S100A13: variants seen among roughly 807,000 people sequenced by gnomAD.
S100A13 encodes the protein S100 calcium binding protein A13.
In S100A13, 6 loss-of-function variants were observed where a neutral mutation model predicts 8.2. That is an observed-to-expected ratio of 0.73 (90% confidence interval 0.40 to 1.44). The LOEUF (loss-of-function observed/expected upper bound fraction) is 1.44, where lower values mean the gene tolerates loss of function less well. Ranked by LOEUF, S100A13 falls within the 40% of genes most tolerant of loss-of-function variation. The probability of loss-of-function intolerance (pLI) is 0.02; values close to 1 mark genes in which losing one functional copy is unlikely to be tolerated. For missense variants in S100A13, 114 were observed against 113.6 expected (o/e 1.00, Z -0.02); for synonymous variants, 39 against 45.9 (o/e 0.85, Z 0.61).
upstream of S100A13, among the ~76,000 whole-genome samples, chr1:153,633,558 G>C (rs146493962): frequency 2.6e-5 from 4 of 152,206 alleles, no homozygotes; most frequent in African/African-American, 9.6e-5. Flanking sequence ...CGGTGGTGTT[G>C]GCCGGTGCAG....
At chr1:153,629,865 A>C (rs1183349410), upstream of S100A13, 3 of 152,476 alleles carry the variant, frequency 2.0e-5, no homozygotes, top group Admixed American at 2.0e-4. Flanking sequence ...CCAAAATGAC[A>C]TGTTCAGGAG....
chr1:153,623,366 A>G (rs907951275), intron 2 of S100A13, among the ~76,000 whole-genome samples: 1 of 149,700 alleles, frequency 6.7e-6, no homozygotes, highest in African/African-American at 2.5e-5. Context: ...AAGTTTCCTG[A>G]TTGCTCCTAT....
At chr1:153,631,587 T>A (rs1447861022), upstream of S100A13, 1 of 1,613,744 alleles carries the variant, frequency 6.2e-7, no homozygotes, top group African/African-American at 1.3e-5. Flanking sequence ...CATAATTCAA[T>A]GCAGTTCCTC....
upstream of S100A13, chr1:153,631,375 G>T: frequency 1.6e-6 from 2 of 1,278,144 alleles, no homozygotes; most frequent in South Asian, 1.4e-5. Flanking sequence ...CTCTAGAATG[G>T]AAATAATGAA....
At chr1:153,628,856 G>A (rs138119883), upstream of S100A13, 86 of 271,764 alleles carry the variant, frequency 3.2e-4, no homozygotes, top group East Asian at 3.5e-3. Flanking sequence ...CCCCTGCCTC[G>A]CCTCCTGTGG....
At chr1:153,632,702 ATTAC>A (rs1408770046), upstream of S100A13, among the ~76,000 whole-genome samples, 2 of 152,244 alleles carry the variant, frequency 1.3e-5, no homozygotes, top group South Asian at 2.1e-4. Context: ...ATGCTGGGCC[ATTAC>A]TTACACACAG....
At chr1:153,622,255 A>C (rs1051046582) in intron 2 of S100A13, among the ~76,000 whole-genome samples, 1 of 152,128 alleles carries the variant, frequency 6.6e-6, no homozygotes, top group Non-Finnish European at 1.5e-5. Flanking sequence ...CTGTAGTCCC[A>C]GCTACTCAGG....
chr1:153,627,713 G>A (rs183040344), upstream of S100A13: 294 of 224,776 alleles, frequency 1.3e-3, 2 homozygotes, highest in Non-Finnish European at 2.1e-3. Context: ...GAGCTGCCTG[G>A]ACAGATCTCG....
upstream of S100A13, chr1:153,629,285 C>T (rs1200623698): frequency 1.3e-5 from 2 of 152,312 alleles, no homozygotes; most frequent in African/African-American, 4.8e-5. Context: ...CACCCCTTAT[C>T]CCCTCATCAG....
At chr1:153,628,125 C>T, upstream of S100A13, 5 of 1,550,542 alleles carry the variant, frequency 3.2e-6, no homozygotes, top group Non-Finnish European at 4.4e-6. Flanking sequence ...CCTTACCGGG[C>T]TCAACCAGCA....
In S100A13 at chr1:153,626,462, T is replaced by C; in HGVS notation, c.11A>G (p.Glu4Gly). The C allele has an allele frequency of 1.1e-5, 18 of 1,614,166 alleles. No individual in the cohort carries two copies. Among genetic ancestry groups the C allele is most frequent in the Non-Finnish European group, 1.5e-5 (18 of 1,180,018 alleles). The change falls in exon 2 of 3, where the codon GAA becomes GGA. Residue 4 changes from glutamate (E) to glycine (G), a missense_variant. Glu to Gly is a moderately conservative substitution (Grantham distance 98). Coordinates refer to ENST00000476133, the MANE Select transcript of S100A13 (RefSeq NM_001024211.2). ...GGACTCCTCTAGCTCTGTCAGTGGT[T>C]CTGCTGCCATTAGGACCCTGAGGCC... MAA[E>G]PLTELEESIE... is the part of the protein sequence containing the mutation.
upstream of S100A13, chr1:153,631,757 C>T (rs201000917): frequency 5.2e-5 from 84 of 1,614,170 alleles, no homozygotes; most frequent in African/African-American, 9.3e-5. Context: ...AGAATGGAGA[C>T]GGGGAGGTGG....
At chr1:153,622,615 C>A (rs1294094611) in intron 2 of S100A13, among the ~76,000 whole-genome samples, 1 of 152,150 alleles carries the variant, frequency 6.6e-6, no homozygotes, top group African/African-American at 2.4e-5. Context: ...AGTTCAAGAC[C>A]AGCATGGGCA....
chr1:153,626,193 C>T (rs1316486760), intron 2 of S100A13, 127 bp downstream of exon 2: 9 of 824,384 alleles, frequency 1.1e-5, no homozygotes, highest in South Asian at 3.2e-5. Context: ...AACCTGCAAC[C>T]ATTGACACAT....
At chr1:153,629,406 C>G (rs746002930), upstream of S100A13, 29 of 152,282 alleles carry the variant, frequency 1.9e-4, no homozygotes, top group Non-Finnish European at 3.4e-4. Context: ...GTCATTCGAT[C>G]AGGGGCCATT....
upstream of S100A13, among the ~76,000 whole-genome samples, chr1:153,632,563 G>A (rs1248574394): frequency 3.3e-5 from 5 of 152,080 alleles, no homozygotes; most frequent in Non-Finnish European, 5.9e-5. Flanking sequence ...GAGCCACCGC[G>A]CTAGGCCGAA....
chr1:153,630,123 A>C, upstream of S100A13: 1 of 296,894 alleles, frequency 3.4e-6, no homozygotes, highest in East Asian at 5.6e-5. Flanking sequence ...GGTCCAGGGT[A>C]AAAATAGAGC....
chr1:153,626,413 G>A lies in S100A13; in HGVS notation c.60C>T (p.Phe20=). The A allele has an allele frequency of 1.2e-6, 2 of 1,614,232 alleles. No homozygotes were observed. Among genetic ancestry groups the A allele is most frequent in the Non-Finnish European group, 1.7e-6 (2 of 1,180,052 alleles). Residue 20 remains phenylalanine (F), a synonymous_variant, in exon 2 of 3, where the codon TTC becomes TTT. Coordinates refer to ENST00000476133, the MANE Select transcript of S100A13 (RefSeq NM_001024211.2). Reference sequence around the variant, plus strand: ...GGCCCTCCTGCCTTGCAAAGGTGAAGAAGGTGGTGACCACGGTCTCAATGG... The same window carrying A: ...GGCCCTCCTGCCTTGCAAAGGTGAAAAAGGTGGTGACCACGGTCTCAATGG... The part of the protein sequence containing the change: ...EESIETVVTT[F]FTFARQEGRK...
rs1667647472 is a variant in S100A13, at chr1:153,626,544, GAGA to G, written c.-61-14_-61-12del. On this transcript the variant is annotated splice_polypyrimidine_tract_variant and intron_variant, in intron 1 of 2. Coordinates refer to ENST00000476133, the MANE Select transcript of S100A13 (RefSeq NM_001024211.2). ...TTTGTCAGGGCTGACCTGTGGAAGAGAGAAGGAGCAGAGAGGGAGAGTCAGGGA... is the reference window on the plus strand; with the variant it reads ...TTTGTCAGGGCTGACCTGTGGAAGAGAGGAGCAGAGAGGGAGAGTCAGGGA... 4 of 1,518,362 alleles carry G rather than the reference GAGA, an allele frequency of 2.6e-6. No homozygotes were observed. Among genetic ancestry groups the G allele is most frequent in the Non-Finnish European group, 3.6e-6 (4 of 1,102,278 alleles). The allele number at this position is 1,518,362 out of a possible 1,614,324, so 94.1% of individuals were successfully genotyped here.
Sources: gnomAD v4.1 joint callset for allele counts (sites outside exome capture counted in the v4.1 genomes callset) on GRCh38, gnomAD v4.1.1 for gene constraint, MANE v1.5 for transcripts, NCBI Gene and HGNC (gene_info 2026-07-23, HGNC 2026-07-21) for gene names.